PHB2: variants seen among roughly 807,000 people sequenced by gnomAD.
PHB2 encodes the protein prohibitin 2, also known as prohibitin-2.
In PHB2, 22 loss-of-function variants were observed where a neutral mutation model predicts 46.4. The ratio of observed to expected loss-of-function variants is 0.47; its 90% CI spans 0.34 to 0.68. The LOEUF (loss-of-function observed/expected upper bound fraction) is 0.68. PHB2 is among the 30% of genes least tolerant of loss of function. The probability of loss-of-function intolerance (pLI) is 0.01; values close to 1 mark genes in which losing one functional copy is unlikely to be tolerated. For synonymous variants in PHB2, 156 were observed against 150.5 expected, an observed-to-expected ratio of 1.04 and a Z score of -0.27; for missense variants, 305 against 382.8, an observed-to-expected ratio of 0.80 and a Z score of 1.70.
chr12:6,970,013 C>T, intron 2 of PHB2, 183 bp downstream of exon 2: 1 of 704,356 alleles, frequency 1.4e-6, no homozygotes, highest in South Asian at 1.5e-5. Flanking sequence ...ATTCTCTTGT[C>T]CCTCTGGAAA....
In PHB2 at chr12:6,967,748, C is replaced by T; in HGVS notation, c.639G>A (p.Leu213=). Residue 213 remains leucine (L), a synonymous_variant, in exon 6 of 10, where the codon TTG becomes TTA. Coordinates refer to ENST00000535923, the MANE Select transcript of PHB2 (RefSeq NM_001144831.2). The surrounding 1 kb of genome is among the most constrained non-coding windows in gnomAD (Gnocchi z 4.9). Reference sequence around the variant, plus strand: ...GCTGTTCCTGCTTTGCTTTTTCTACCAAGAATTGGGCCCGCTGGGCCTCCT... The same window carrying T: ...GCTGTTCCTGCTTTGCTTTTTCTACTAAGAATTGGGCCCGCTGGGCCTCCT... ...AQQEAQRAQF[L]VEKAKQEQRQ... 1 of 1,613,942 alleles carries T rather than the reference C, an allele frequency of 6.2e-7. No individual in the cohort carries two copies. Among genetic ancestry groups the T allele is most frequent in the East Asian group, 2.2e-5 (1 of 44,878 alleles).
Position 6,969,513 on chromosome 12 carries a change from GGGA to G in PHB2, c.274_276del (p.Ser92del). On this transcript the variant is annotated inframe_deletion, in exon 3 of 10. Coordinates refer to ENST00000535923, the MANE Select transcript of PHB2 (RefSeq NM_001144831.2). ...TCAGACCTACCTTTGGAGCCTGTAG[GGGA>G]GGAGATTTTTCGAGGTCTGGCCCGA... 9 of 1,603,358 alleles carry G rather than the reference GGGA, an allele frequency of 5.6e-6. No homozygotes were observed. Among genetic ancestry groups the G allele is most frequent in the Non-Finnish European group, 7.7e-6 (9 of 1,171,020 alleles).
Position 6,967,928 on chromosome 12 carries a change from G to A in PHB2, c.571C>T (p.Arg191Ter), listed in dbSNP as rs781990930. ...GCTTCTACAGCAGCTGTGTACTCTC[G>A]GCTAAAGCTCAGCTCTGTGATGGCC... ...DVAITELSFS[R>*]EYTAAVEAKQ... Residue 191 changes from arginine (R) to a stop codon, truncating the protein, a stop_gained, in exon 5 of 10, where the codon CGA becomes TGA. Transcript: ENST00000535923. LOFTEE classifies it high-confidence loss of function. The surrounding 1 kb of genome is among the most constrained non-coding windows in gnomAD (Gnocchi z 4.9). 74 of 1,613,744 alleles carry A rather than the reference G, an allele frequency of 4.6e-5. No individual in the cohort carries two copies. Among genetic ancestry groups the A allele is most frequent in the Non-Finnish European group, 2.5e-5 (30 of 1,179,832 alleles).
In PHB2 at chr12:6,968,573, G is replaced by A. The variant is rs1328268855; in HGVS notation, c.315C>T (p.Ser105=). The A allele has an allele frequency of 1.9e-6, 3 of 1,613,636 alleles. No individual in the cohort carries two copies. The highest frequency in any genetic ancestry group is 1.7e-6 in the Non-Finnish European group (2 of 1,179,794). ...CATTGGGTCGAGACAACACTCGCAG[G>A]GAGATATTCACCATCTGTAGGTCTG... The part of the protein sequence containing the change: ...GSKDLQMVNI[S]LRVLSRPNAQ... Residue 105 remains serine, a synonymous_variant, in exon 4 of 10, where the codon TCC becomes TCT. Coordinates refer to ENST00000535923, the MANE Select transcript of PHB2 (RefSeq NM_001144831.2).
In PHB2 at chr12:6,967,162, C is replaced by CA. The variant is rs1555150892; in HGVS notation, c.789+8dup. On this transcript the variant is annotated intron_variant, in intron 7 of 9. Transcript: ENST00000535923. This position sits in a 1 kb window ranked among gnomAD's most constrained non-coding sequence, Gnocchi z 4.9. ...AGCCCCATCAGAGACGCTGGGCTGA[C>CA]ACACTCACCGTCTTGGAGATATTCT... The CA allele has an allele frequency of 6.4e-7, 1 of 1,560,184 alleles. No individual in the cohort carries two copies. The highest frequency in any genetic ancestry group is 1.9e-5 in the Admixed American group (1 of 51,930).
In PHB2 at chr12:6,967,038, C is replaced by T. The variant is rs1591700272; in HGVS notation, c.789+133G>A. On this transcript the variant is annotated intron_variant, in intron 7 of 9. Coordinates refer to ENST00000535923, the MANE Select transcript of PHB2 (RefSeq NM_001144831.2). The surrounding 1 kb of genome is among the most constrained non-coding windows in gnomAD (Gnocchi z 4.9). ...TGCGGGGATTACATGCGTGAGCCAC[C>T]GCGCCGGCCAGAGAAGCCAATCTGA... 2.6e-5 allele frequency: 20 copies of T among 764,432 alleles called. No individual in the cohort carries two copies. Among genetic ancestry groups the T allele is most frequent in the South Asian group, 4.8e-5 (3 of 62,568 alleles). 47.4% of individuals were successfully genotyped at this position (764,432 alleles called of 1,614,324 possible). A position where few individuals can be genotyped will look rare whatever the true frequency, so the allele number is the denominator to read the frequency against.
At position 6,970,300 on chromosome 12, in the gene PHB2, G is replaced by C. The variant is rs1946299355; in HGVS notation, c.128-20C>G. 1.2e-6 allele frequency: 2 copies of C among 1,610,986 alleles called. No homozygotes were observed. The highest frequency in any genetic ancestry group is 2.2e-5 in the South Asian group (2 of 91,048). On this transcript the variant is annotated intron_variant, in intron 1 of 9. Transcript: ENST00000535923. ...CTTCCACTGTGGGGAGATGGGTGGT[G>C]ATCAGGCCAGGCCGCTGCTCAGAGG... is the stretch of plus-strand genomic sequence containing the variant.
chr12:6,969,600 T>G, intron 2 of PHB2, 23 bp from the exon 3 acceptor site: 1 of 1,462,710 alleles, frequency 6.8e-7, no homozygotes, highest in Non-Finnish European at 9.5e-7. Flanking sequence ...GGGATAGGTA[T>G]TAAGAGGCCA....
Position 6,969,387 on chromosome 12 carries a change from C to T in PHB2, c.292+111G>A, listed in dbSNP as rs1946277111. 2.0e-5 allele frequency: 11 copies of T among 561,092 alleles called. No homozygotes were observed. The South Asian group carries it at 3.4e-4, about 17-fold the overall frequency. 34.8% of individuals were successfully genotyped at this position (561,092 alleles called of 1,614,324 possible). A position where few individuals can be genotyped will look rare whatever the true frequency, so the allele number is the denominator to read the frequency against. On this transcript the variant is annotated intron_variant, in intron 3 of 9. Transcript: ENST00000535923. ...GCAGGTATTTTTGTTACAGCTCTTG[C>T]AGATGTGGAAAGAGGCCTAAAGGCC... is the stretch of plus-strand genomic sequence containing the variant.
intron 2 of PHB2, chr12:6,969,913 G>T (rs782406135): frequency 3.4e-6 from 2 of 580,280 alleles, no homozygotes; most frequent in South Asian, 1.8e-5. Context: ...AAAAAAAAAA[G>T]AAAAGGCCGC....
Position 6,967,865 on chromosome 12 carries a change from C to T in PHB2, c.607+27G>A. 6.2e-7 allele frequency: 1 copy of T among 1,612,314 alleles called. No homozygotes were observed. Among genetic ancestry groups the T allele is most frequent in the Non-Finnish European group, 8.5e-7 (1 of 1,178,788 alleles). On this transcript the variant is annotated intron_variant, in intron 5 of 9. Coordinates refer to ENST00000535923, the MANE Select transcript of PHB2 (RefSeq NM_001144831.2). The surrounding 1 kb of genome is among the most constrained non-coding windows in gnomAD (Gnocchi z 4.9). ...TTTCCTCCTCCTGCATCTCAGAAGCCCTCACCCCACGGCTCTTGCGACTCA... is the reference window on the plus strand; with the variant it reads ...TTTCCTCCTCCTGCATCTCAGAAGCTCTCACCCCACGGCTCTTGCGACTCA...
rs1946254916 is a variant in PHB2, at chr12:6,968,468, C to A, written c.420G>T (p.Val140=). Residue 140 remains valine, a synonymous_variant, in exon 4 of 10, where the codon GTG becomes GTT. Transcript: ENST00000535923. ...ERVLPSIVNE[V]LKSVVAKFNA... ...TGAACTTGGCCACCACACTCTTGAG[C>A]ACCTCGTTGACAATGGACGGCAACA... is the stretch of plus-strand genomic sequence containing the variant. 4.3e-6 allele frequency: 7 copies of A among 1,613,066 alleles called. No individual in the cohort carries two copies. Among genetic ancestry groups the A allele is most frequent in the Non-Finnish European group, 5.9e-6 (7 of 1,179,572 alleles).
At chr12:6,968,932 G>C (rs1392662635) in intron 3 of PHB2, among the ~76,000 whole-genome samples, 1 of 152,218 alleles carries the variant, frequency 6.6e-6, no homozygotes, top group Admixed American at 6.5e-5. Flanking sequence ...TGTGTTTAAT[G>C]AATCTTTTAT....
At chr12:6,966,359 C>G in intron 8 of PHB2, 65 bp downstream of exon 8, 1 of 989,488 alleles carries the variant, frequency 1.0e-6, no homozygotes, top group South Asian at 1.3e-5. Context: ...GGCTCCAGAG[C>G]CCAAACAACC....
chr12:6,968,120 C>T (rs1353257372), intron 4 of PHB2, 99 bp from the exon 5 acceptor site: 2 of 1,073,122 alleles, frequency 1.9e-6, no homozygotes, highest in Non-Finnish European at 2.7e-6. Context: ...CTCAATACAA[C>T]ATGCACTGCC....
intron 7 of PHB2, among the ~76,000 whole-genome samples, chr12:6,966,908 C>T (rs1946220223): frequency 6.6e-6 from 1 of 152,154 alleles, no homozygotes; most frequent in Non-Finnish European, 1.5e-5. Context: ...CCACAGCGGG[C>T]TCATTATCTT....
rs1160479317 is a variant in PHB2 at position 6,967,042 on chromosome 12, C to T, written c.789+129G>A. ...GGGATTACATGCGTGAGCCACCGCG[C>T]CGGCCAGAGAAGCCAATCTGAGTAG... On this transcript the variant is annotated intron_variant, in intron 7 of 9. Transcript: ENST00000535923. This position sits in a 1 kb window ranked among gnomAD's most constrained non-coding sequence, Gnocchi z 4.9. 4.9e-4 allele frequency: 395 copies of T among 802,144 alleles called. No homozygotes were observed. Among genetic ancestry groups the T allele is most frequent in the Non-Finnish European group, 6.0e-5 (29 of 485,850 alleles). The allele number at this position is 802,144 out of a possible 1,614,324, so 49.7% of individuals were successfully genotyped here.
Position 6,968,811 on chromosome 12 carries a change from C to G in PHB2, c.293-216G>C, listed in dbSNP as rs191700962. On this transcript the variant is annotated intron_variant, in intron 3 of 9. Transcript: ENST00000535923. ...AAGCCTTGAACTGCAAACCCCGTCA[C>G]CAGCAGAGCTGACTACTCTTTCCCC... 4.8e-3 allele frequency: 2,803 copies of G among 582,190 alleles called. 8 individuals are homozygous for G. The highest frequency in any genetic ancestry group is 6.8e-3 in the Non-Finnish European group (2,148 of 314,604). The allele number at this position is 582,190 out of a possible 1,614,324, so 36.1% of individuals were successfully genotyped here.
chr12:6,966,560 T>C, intron 7 of PHB2, 60 bp from the exon 8 acceptor site: 1 of 1,027,582 alleles, frequency 9.7e-7, no homozygotes, highest in Non-Finnish European at 1.6e-6. Flanking sequence ...TTCCGACCCC[T>C]GCAATTCAGC....
Sources: allele counts gnomAD v4.1 joint callset (sites outside exome capture counted in the v4.1 genomes callset), GRCh38; gene constraint gnomAD v4.1.1; non-coding constraint Gnocchi (gnomAD v3.1); transcripts MANE v1.5; gene names NCBI Gene and HGNC (gene_info 2026-07-23, HGNC 2026-07-21).